The following SYTL5 variants were observed in gnomAD, a reference collection of about 807,000 sequenced individuals.
SYTL5 encodes synaptotagmin like 5.
In SYTL5, 34 loss-of-function variants were observed where a neutral mutation model predicts 55.9. The observed-to-expected ratio is 0.61, with a 90% CI of 0.46 to 0.81. The LOEUF (loss-of-function observed/expected upper bound fraction) is 0.81. Ranked by LOEUF, SYTL5 falls within the 30% of genes least tolerant of loss-of-function variation. The pLI is 0.00. For missense variants in SYTL5, 637 were observed against 546.7 expected (o/e 1.17, Z -1.65); for synonymous variants, 221 against 188.7 (o/e 1.17, Z -1.40).
At position 38,094,328 on chromosome X, in the gene SYTL5, G is replaced by A; in HGVS notation, c.865G>A (p.Ala289Thr). The A allele has an allele frequency of 2.5e-6, 3 of 1,203,528 alleles. No homozygotes were observed. Among genetic ancestry groups the A allele is most frequent in the Non-Finnish European group, 3.4e-6 (3 of 889,943 alleles). ...TTTTGAAAATTCCATGGATTTGGCT[G>A]CTATTGAAGGTACCTCTCAGGAGCT... ...YGFENSMDLAAIEGTSQELTK... is the reference protein window; with the variant it reads ...YGFENSMDLATIEGTSQELTK... Residue 289 changes from alanine (A) to threonine (T), a missense_variant, in exon 8 of 17, where the codon GCT becomes ACT. Transcript: ENST00000297875.
the SYTL5 span, among the ~76,000 whole-genome samples, chrX:38,001,041 G>C: frequency 7.2e-5 from 8 of 110,793 alleles, no homozygotes; most frequent in East Asian, 2.3e-3. Flanking sequence ...GGCCAGCGTG[G>C]TCTTGGGAAA....
At chrX:37,907,894 AT>A in the SYTL5 span, among the ~76,000 whole-genome samples, 9 of 110,217 alleles carry the variant, frequency 8.2e-5, no homozygotes, top group African/African-American at 3.0e-4. Context: ...TTAATTTTTT[AT>A]TTTTTATTTT....
At chrX:38,102,173 T>C (rs1034122810) in intron 9 of SYTL5, among the ~76,000 whole-genome samples, 169 bp from the exon 10 acceptor site, 4 of 111,060 alleles carry the variant, frequency 3.6e-5, no homozygotes, top group African/African-American at 9.8e-5. Flanking sequence ...TCCGATGGTA[T>C]AATTCAGATT....
At chrX:38,040,069 G>A (rs1031320035) in intron 2 of SYTL5, among the ~76,000 whole-genome samples, 1 of 110,252 alleles carries the variant, frequency 9.1e-6, no homozygotes, top group Non-Finnish European at 1.9e-5. Context: ...CAGCTACTGG[G>A]AGGCTGAGGC....
chrX:37,994,963 A>G, the SYTL5 span, among the ~76,000 whole-genome samples: 1 of 111,214 alleles, frequency 9.0e-6, no homozygotes, highest in Non-Finnish European at 1.9e-5. Context: ...TGTCTGTGAG[A>G]CATCAAGGAG....
the SYTL5 span, among the ~76,000 whole-genome samples, chrX:37,959,309 C>T: frequency 1.8e-5 from 2 of 111,972 alleles, no homozygotes; most frequent in Non-Finnish European, 3.8e-5. Context: ...GACTGTCCGA[C>T]CACCTGCACA....
the SYTL5 span, among the ~76,000 whole-genome samples, chrX:37,895,488 T>TTTTC: frequency 4.8e-5 from 4 of 83,492 alleles, no homozygotes; most frequent in South Asian, 1.1e-3. Flanking sequence ...CTCTCTCTTT[T>TTTTC]TTTCTTTCTT....
the SYTL5 span, among the ~76,000 whole-genome samples, chrX:37,940,436 G>A: frequency 3.9e-5 from 4 of 101,632 alleles, no homozygotes; most frequent in East Asian, 6.1e-4. Context: ...AGCCGAGATC[G>A]CGCCACTGCA....
intron 3 of SYTL5, among the ~76,000 whole-genome samples, chrX:38,055,999 TAA>T (rs1935768147): frequency 9.0e-6 from 1 of 111,630 alleles, no homozygotes; most frequent in Admixed American, 9.5e-5. Context: ...TTTTTAAATG[TAA>T]AATTAAATTA....
chrX:37,911,818 A>G, the SYTL5 span, among the ~76,000 whole-genome samples: 2 of 111,971 alleles, frequency 1.8e-5, no homozygotes, highest in African/African-American at 6.5e-5. Context: ...ACACATACAT[A>G]TACGTACATG....
the SYTL5 span, among the ~76,000 whole-genome samples, chrX:37,999,157 A>T: frequency 3.6e-5 from 4 of 112,240 alleles, no homozygotes; most frequent in South Asian, 3.7e-4. Context: ...TCTATAAAGG[A>T]TCCTGAATGG....
Position 38,096,145 on chromosome X carries a change from T to C in SYTL5, c.973T>C (p.Ser325Pro), listed in dbSNP as rs764915013. ...TTTCCACCTTCCAGATCAGAGTCGA[T>C]CTGAGTTAGATTTGAGTGAGTCATT... ...GTSLSSDQSR[S>P]ELDLSESFTE... The change falls in exon 9 of 17, where the codon TCT becomes CCT. Residue 325 changes from serine to proline, a missense_variant. By Grantham distance (74) the Ser-to-Pro change is moderately conservative. Coordinates refer to ENST00000297875, the MANE Select transcript of SYTL5 (RefSeq NM_138780.3). The C allele has an allele frequency of 2.6e-6, 3 of 1,167,198 alleles. No homozygotes were observed. In the South Asian group the frequency reaches 5.7e-5, roughly 22 times the overall value.
At chrX:38,014,414 A>G (rs1377672691) in intron 1 of SYTL5, among the ~76,000 whole-genome samples, 4 of 112,196 alleles carry the variant, frequency 3.6e-5, no homozygotes, top group Non-Finnish European at 7.5e-5. Flanking sequence ...TACCTGTAAT[A>G]TGGGAATAGT....
chrX:38,067,426 G>A (rs911622637), intron 3 of SYTL5, among the ~76,000 whole-genome samples: 1 of 108,024 alleles, frequency 9.3e-6, no homozygotes, highest in African/African-American at 3.3e-5. Context: ...CCACTATTTA[G>A]CAATTTTTAG....
intron 13 of SYTL5, among the ~76,000 whole-genome samples, chrX:38,117,455 C>T (rs181983407): frequency 2.1e-4 from 24 of 111,875 alleles, no homozygotes; most frequent in Admixed American, 4.7e-4. Flanking sequence ...TTCCTACTGG[C>T]GTATTTTCAT....
chrX:38,031,095 C>T (rs767979408), intron 1 of SYTL5, among the ~76,000 whole-genome samples: 3 of 110,947 alleles, frequency 2.7e-5, no homozygotes, highest in South Asian at 3.8e-4. Flanking sequence ...CTTAAGGTAC[C>T]CTTCTCCATT....
chrX:38,096,523 A>G (rs1260308311), intron 9 of SYTL5, among the ~76,000 whole-genome samples: 1 of 111,324 alleles, frequency 9.0e-6, no homozygotes, highest in African/African-American at 3.2e-5. Flanking sequence ...GAAATGAGAG[A>G]TCCTAACATT....
intron 12 of SYTL5, 34 bp downstream of exon 12, chrX:38,108,733 G>T: frequency 1.1e-6 from 1 of 945,356 alleles, no homozygotes. Context: ...AACTCATGTG[G>T]TACTGTTCAC....
chrX:38,034,825 T>C (rs1275186126), intron 2 of SYTL5, among the ~76,000 whole-genome samples: 2 of 111,963 alleles, frequency 1.8e-5, no homozygotes, highest in Non-Finnish European at 3.8e-5. Context: ...ACCGTCTTTG[T>C]TTTAAAATAT....
Sources: gnomAD v4.1 joint callset for allele counts (sites outside exome capture counted in the v4.1 genomes callset) on GRCh38, gnomAD v4.1.1 for gene constraint, MANE v1.5 for transcripts, NCBI Gene and HGNC (gene_info 2026-07-23, HGNC 2026-07-21) for gene names.